HYOU1: variants seen among roughly 807,000 people sequenced by gnomAD.
HYOU1 encodes hypoxia up-regulated protein 1.
A neutral mutation model predicts 120.5 loss-of-function variants in HYOU1; 40 were observed. The ratio of observed to expected loss-of-function variants is 0.33; its 90% CI spans 0.26 to 0.43. The LOEUF (loss-of-function observed/expected upper bound fraction) is 0.43, where lower values mean the gene tolerates loss of function less well. Among genes scored for constraint, HYOU1 ranks in the 20% least tolerant of loss-of-function variants. The probability of loss-of-function intolerance (pLI) is 1.00; values close to 1 mark genes in which losing one functional copy is unlikely to be tolerated. For missense variants in HYOU1, 1,085 were observed against 1,278.3 expected (o/e 0.85, Z 2.31); for synonymous variants, 501 against 479.4 (o/e 1.05, Z -0.59).
Position 119,055,133 on chromosome 11 carries a change from A to T in HYOU1, c.419+52T>A. On this transcript the variant is annotated intron_variant, in intron 5 of 25. Transcript: ENST00000617285. This position sits in a 1 kb window ranked among gnomAD's most constrained non-coding sequence, Gnocchi z 4.0. ...GCAGGACAATCAGGAACACACACCAATGAGGAGCCCAGCAGCGTTGCCGAG... is the reference window on the plus strand; with the variant it reads ...GCAGGACAATCAGGAACACACACCATTGAGGAGCCCAGCAGCGTTGCCGAG... The T allele has an allele frequency of 6.2e-7, 1 of 1,613,052 alleles. No individual in the cohort carries two copies. The highest frequency in any genetic ancestry group is 1.1e-5 in the South Asian group (1 of 91,032).
At chr11:119,049,318 C>T (rs2133571993) in intron 16 of HYOU1, 115 bp from the exon 17 acceptor site, 48 of 1,561,754 alleles carry the variant, frequency 3.1e-5, no homozygotes, top group East Asian at 1.4e-4. Context: ...TGTATGGAAA[C>T]GGTCAATGGC....
Position 119,045,222 on chromosome 11 carries a change from G to A in HYOU1, c.*371C>T. On this transcript the variant is annotated 3_prime_UTR_variant, in exon 26 of 26. Coordinates refer to ENST00000617285, the MANE Select transcript of HYOU1 (RefSeq NM_006389.5). ...AAGGAACAATCACCAGAGAAGAGTG[G>A]AAACTCCCCAGCAACCTGATACCCT... 1 of 472,304 alleles carries A rather than the reference G, an allele frequency of 2.1e-6. No individual in the cohort carries two copies. Among genetic ancestry groups the A allele is most frequent in the East Asian group, 6.3e-5 (1 of 15,990 alleles). The allele number at this position is 472,304 out of a possible 1,614,324, so 29.3% of individuals were successfully genotyped here. A position where few individuals can be genotyped will look rare whatever the true frequency, so the allele number is the denominator to read the frequency against.
At position 119,054,619 on chromosome 11, in the gene HYOU1, G is replaced by A. The variant is rs1479284228; in HGVS notation, c.553C>T (p.Arg185Cys). The A allele has an allele frequency of 2.5e-6, 4 of 1,613,882 alleles. No individual in the cohort carries two copies. Among genetic ancestry groups the A allele is most frequent in the African/African-American group, 2.7e-5 (2 of 74,886 alleles). ...CGAGCAGCCTGCAGCACAGCTCGGCGCTCGGCCTGGTTGAAGAAGACTGGC... is the reference window on the plus strand; with the variant it reads ...CGAGCAGCCTGCAGCACAGCTCGGCACTCGGCCTGGTTGAAGAAGACTGGC... ...TVPVFFNQAE[R>C]RAVLQAARMA... The change falls in exon 7 of 26, where the codon CGC (arginine) becomes TGC (cysteine). Residue 185 changes from arginine (R) to cysteine (C), a missense_variant. By Grantham distance (180) the Arg-to-Cys change is radical. Coordinates refer to ENST00000617285, the MANE Select transcript of HYOU1 (RefSeq NM_006389.5).
At chr11:119,053,865 C>T in intron 8 of HYOU1, 1 of 402,292 alleles carries the variant, frequency 2.5e-6, no homozygotes, top group Non-Finnish European at 4.5e-6. Flanking sequence ...TGACACCCTA[C>T]ATATTGCCTG....
At chr11:119,053,795 C>A in intron 8 of HYOU1, 1 of 219,786 alleles carries the variant, frequency 4.5e-6, no homozygotes. Context: ...AGAGGTAAGA[C>A]AACAAGAATG....
chr11:119,051,718 T>C lies in HYOU1; in HGVS notation c.1339-93A>G. On this transcript the variant is annotated intron_variant, in intron 12 of 25. Transcript: ENST00000617285. This position sits in a 1 kb window ranked among gnomAD's most constrained non-coding sequence, Gnocchi z 4.2. ...ATGGGGGTGGGATGGGGGAGACCTC[T>C]TAGCAGAAAGACAAAGGGATGAGCC... 6.3e-7 allele frequency: 1 copy of C among 1,595,996 alleles called. No individual in the cohort carries two copies. The highest frequency in any genetic ancestry group is 8.6e-7 in the Non-Finnish European group (1 of 1,166,572).
rs1253758623 is a variant in HYOU1, at chr11:119,045,093, GGAAA to G, written c.*496_*499del. 1 of 452,036 alleles carries G rather than the reference GGAAA, an allele frequency of 2.2e-6. No homozygotes were observed. Among genetic ancestry groups the G allele is most frequent in the Non-Finnish European group, 4.5e-6 (1 of 223,282 alleles). 28.0% of individuals were successfully genotyped at this position (452,036 alleles called of 1,614,324 possible). A position where few individuals can be genotyped will look rare whatever the true frequency, so the allele number is the denominator to read the frequency against. On this transcript the variant is annotated 3_prime_UTR_variant, in exon 26 of 26. Coordinates refer to ENST00000617285, the MANE Select transcript of HYOU1 (RefSeq NM_006389.5). The stretch of plus-strand genomic sequence containing the variant: ...AGAGCAAGAGAAGCCCGCAGAGGGA[GGAAA>G]GAGCACAGATAGGCACTCAGAAACC...
rs2133603224 is a variant in HYOU1 at position 119,054,175 on chromosome 11, A to T, written c.740T>A (p.Met247Lys). 2 of 1,614,158 alleles carry T rather than the reference A, an allele frequency of 1.2e-6. No homozygotes were observed. Among genetic ancestry groups the T allele is most frequent in the Non-Finnish European group, 1.7e-6 (2 of 1,180,010 alleles). ...CATCCCAGCTTCCTTAGTCTTCACC[A>T]TCTGGTAGGTCACAATGGTGCATAC... ...STVCTIVTYQMVKTKEAGMQP... is the reference protein window; with the variant it reads ...STVCTIVTYQKVKTKEAGMQP... The change falls in exon 8 of 26, where the codon ATG becomes AAG. Residue 247 changes from methionine to lysine, a missense_variant. Around this residue, in one of 4 missense-constraint regions of HYOU1, gnomAD observed 515 missense variants for 677.8 expected, o/e 0.76. Transcript: ENST00000617285.
In HYOU1 at chr11:119,052,670, G is replaced by T; in HGVS notation, c.954C>A (p.Thr318=). 1 of 1,614,030 alleles carries T rather than the reference G, an allele frequency of 6.2e-7. No homozygotes were observed. The highest frequency in any genetic ancestry group is 8.5e-7 in the Non-Finnish European group (1 of 1,179,942). ...TGTGGTCAGCGTTGGCACTGAGGACGGTTTTGAGCCGATTAGCCTCACGCA... is the reference window on the plus strand; with the variant it reads ...TGTGGTCAGCGTTGGCACTGAGGACTGTTTTGAGCCGATTAGCCTCACGCA... ...KLLREANRLK[T]VLSANADHMA... Residue 318 remains threonine, a synonymous_variant, in exon 9 of 26, where the codon ACC becomes ACA. Coordinates refer to ENST00000617285, the MANE Select transcript of HYOU1 (RefSeq NM_006389.5). The surrounding 1 kb of genome is among the most constrained non-coding windows in gnomAD (Gnocchi z 5.0).
chr11:119,048,466 G>A lies in HYOU1; in HGVS notation c.2253+10C>T, dbSNP rs2133564617. Reference sequence around the variant, plus strand: ...CCCAGTGGGGGGGCTGCTGCCTCCTGCCCACTGACCTGGGTCTCAAATATG... The same window carrying A: ...CCCAGTGGGGGGGCTGCTGCCTCCTACCCACTGACCTGGGTCTCAAATATG... On this transcript the variant is annotated intron_variant, in intron 19 of 25. Transcript: ENST00000617285. This position sits in a 1 kb window ranked among gnomAD's most constrained non-coding sequence, Gnocchi z 4.7. 3.2e-5 allele frequency: 51 copies of A among 1,613,514 alleles called. No homozygotes were observed. The highest frequency in any genetic ancestry group is 4.0e-5 in the African/African-American group (3 of 74,930).
chr11:119,047,369 C>T (rs1198876755), intron 22 of HYOU1: 1 of 258,806 alleles, frequency 3.9e-6, no homozygotes, highest in African/African-American at 2.3e-5. Flanking sequence ...CTTGACTCTC[C>T]ACTTTACTGA....
At position 119,051,562 on chromosome 11, in the gene HYOU1, C is replaced by A. The variant is rs1944441362; in HGVS notation, c.1402G>T (p.Val468Leu). ...TAGGGCCCCATCCGAGAGAAGAGTA[C>A]CCGTTTATTGTGCTTCAGGCTGTGA... ...GIHSLKHNKR[V>L]LFSRMGPYPQ... The change falls in exon 13 of 26, where the codon GTA becomes TTA. Residue 468 changes from valine (V) to leucine (L), a missense_variant. Coordinates refer to ENST00000617285, the MANE Select transcript of HYOU1 (RefSeq NM_006389.5). This position sits in a 1 kb window ranked among gnomAD's most constrained non-coding sequence, Gnocchi z 4.2. 1 of 1,613,954 alleles carries A rather than the reference C, an allele frequency of 6.2e-7. No homozygotes were observed. Among genetic ancestry groups the A allele is most frequent in the African/African-American group, 1.3e-5 (1 of 74,872 alleles).
At chr11:119,047,372 T>C (rs1216159219) in intron 22 of HYOU1, 3 of 260,908 alleles carry the variant, frequency 1.1e-5, no homozygotes, top group Non-Finnish European at 2.2e-5. Context: ...GACTCTCCAC[T>C]TTACTGAGCT....
chr11:119,055,604 G>A lies in HYOU1; in HGVS notation c.186-33C>T. Reference sequence around the variant, plus strand: ...AAAGAGATTTTGGGCCCAGGTGCCTGCAGCAGAAGGACTCAGAAGCCTCGA... The same window carrying A: ...AAAGAGATTTTGGGCCCAGGTGCCTACAGCAGAAGGACTCAGAAGCCTCGA... On this transcript the variant is annotated intron_variant, in intron 3 of 25. Coordinates refer to ENST00000617285, the MANE Select transcript of HYOU1 (RefSeq NM_006389.5). This position sits in a 1 kb window ranked among gnomAD's most constrained non-coding sequence, Gnocchi z 4.0. 6.3e-7 allele frequency: 1 copy of A among 1,585,982 alleles called. No homozygotes were observed. Among genetic ancestry groups the A allele is most frequent in the Non-Finnish European group, 8.7e-7 (1 of 1,154,410 alleles).
chr11:119,045,398 T>C lies in HYOU1; in HGVS notation c.*195A>G. 4 of 705,878 alleles carry C rather than the reference T, an allele frequency of 5.7e-6. No individual in the cohort carries two copies. Among genetic ancestry groups the C allele is most frequent in the Non-Finnish European group, 7.7e-6 (3 of 388,142 alleles). The allele number at this position is 705,878 out of a possible 1,614,324, so 43.7% of individuals were successfully genotyped here. On this transcript the variant is annotated 3_prime_UTR_variant, in exon 26 of 26. Coordinates refer to ENST00000617285, the MANE Select transcript of HYOU1 (RefSeq NM_006389.5). Reference sequence around the variant, plus strand: ...GCTGGGGAGGAGAACAGTTTCCATTTTTAACCACAGAGGTACTGCAGAAGG... The same window carrying C: ...GCTGGGGAGGAGAACAGTTTCCATTCTTAACCACAGAGGTACTGCAGAAGG...
In HYOU1 at chr11:119,046,801, G is replaced by A; in HGVS notation, c.2597C>T (p.Ala866Val). Reference sequence around the variant, plus strand: ...CTCGGCCAGAGTTGCATTCTTCCAGGCCTGTGGGTGAGACCAGGAGAGGCT... The same window carrying A: ...CTCGGCCAGAGTTGCATTCTTCCAGACCTGTGGGTGAGACCAGGAGAGGCT... ...TLEKVINETW[A>V]WKNATLAEQA... The change falls in exon 23 of 26, where the codon GCC becomes GTC. Residue 866 changes from alanine (A) to valine (V), a missense_variant and splice_region_variant. Ala to Val is a moderately conservative substitution (Grantham distance 64). Around this residue, in one of 4 missense-constraint regions of HYOU1, gnomAD observed 516 missense variants for 517.1 expected, o/e 1.00. Transcript: ENST00000617285. 1 of 1,599,354 alleles carries A rather than the reference G, an allele frequency of 6.3e-7. No individual in the cohort carries two copies. The highest frequency in any genetic ancestry group is 1.3e-5 in the African/African-American group (1 of 75,036).
Position 119,046,373 on chromosome 11 carries a change from C to T in HYOU1, c.2887+44G>A, listed in dbSNP as rs181320228. 2.5e-3 allele frequency: 4,010 copies of T among 1,600,652 alleles called. 9 individuals carry two copies. Among genetic ancestry groups the T allele is most frequent in the Non-Finnish European group, 3.3e-3 (3,803 of 1,168,534 alleles). On this transcript the variant is annotated intron_variant, in intron 24 of 25. Coordinates refer to ENST00000617285, the MANE Select transcript of HYOU1 (RefSeq NM_006389.5). ...GCCTGCCAGTTTGCCTACCCCTGGG[C>T]TAATGCAACATCCACGTGCTCAACC...
At chr11:119,056,614 G>A (rs1383698537) in intron 1 of HYOU1, among the ~76,000 whole-genome samples, 7 of 152,226 alleles carry the variant, frequency 4.6e-5, no homozygotes, top group African/African-American at 1.7e-4. Flanking sequence ...GGAAGAGAAA[G>A]GTAATGACGT....
rs959537430 is a variant in HYOU1, at chr11:119,045,258, G to A, written c.*335C>T. 8.3e-5 allele frequency: 42 copies of A among 505,484 alleles called. No individual in the cohort carries two copies. Among genetic ancestry groups the A allele is most frequent in the African/African-American group, 5.9e-4 (31 of 52,342 alleles). The allele number at this position is 505,484 out of a possible 1,614,324, so 31.3% of individuals were successfully genotyped here. On this transcript the variant is annotated 3_prime_UTR_variant, in exon 26 of 26. Coordinates refer to ENST00000617285, the MANE Select transcript of HYOU1 (RefSeq NM_006389.5). ...GCAACCTGATACCCTTCCCATCACC[G>A]GGACCCATCAGCCACTGGCAGCCAT... is the stretch of plus-strand genomic sequence containing the variant.
Sources: allele counts gnomAD v4.1 joint callset (sites outside exome capture counted in the v4.1 genomes callset), GRCh38; gene constraint gnomAD v4.1.1; regional missense constraint gnomAD v4.1.1; non-coding constraint Gnocchi (gnomAD v3.1); transcripts MANE v1.5; gene names NCBI Gene and HGNC (gene_info 2026-07-23, HGNC 2026-07-21).